Variants in PHF8 observed in about 807,000 individuals in gnomAD.
The protein encoded by PHF8 is histone lysine demethylase PHF8.
A neutral mutation model predicts 74.4 loss-of-function variants in PHF8; 9 were observed. That is an observed-to-expected ratio of 0.12 (90% CI 0.07 to 0.21). The LOEUF (loss-of-function observed/expected upper bound fraction) is 0.21, where lower values mean the gene tolerates loss of function less well. Among genes scored for constraint, PHF8 ranks in the 10% least tolerant of loss-of-function variants. The probability of loss-of-function intolerance (pLI) is 1.00; values close to 1 mark genes in which losing one functional copy is unlikely to be tolerated. For synonymous variants in PHF8, 311 were observed against 316.6 expected, an observed-to-expected ratio of 0.98 and a Z score of 0.19; for missense variants, 478 against 816.6, an observed-to-expected ratio of 0.59 and a Z score of 5.05.
intron 2 of PHF8, among the ~76,000 whole-genome samples, chrX:54,028,180 A>G (rs2066300024): frequency 9.0e-6 from 1 of 111,636 alleles, no homozygotes; most frequent in Non-Finnish European, 1.9e-5. Context: ...AACAGCAAGT[A>G]CAAAAGCCCT....
intron 13 of PHF8, among the ~76,000 whole-genome samples, chrX:53,993,177 A>G (rs1231518452): frequency 9.0e-6 from 1 of 111,393 alleles, no homozygotes; most frequent in Non-Finnish European, 1.9e-5. Context: ...ACAACCTGAC[A>G]CACGCAATGT....
chrX:53,953,889 A>G (rs1218667516), intron 19 of PHF8, among the ~76,000 whole-genome samples: 2 of 111,505 alleles, frequency 1.8e-5, no homozygotes, highest in African/African-American at 6.5e-5. Flanking sequence ...ATTTGAAGAC[A>G]CAGGTCGAAA....
chrX:54,039,423 A>T (rs1557115274), intron 2 of PHF8, among the ~76,000 whole-genome samples: 1 of 111,518 alleles, frequency 9.0e-6, no homozygotes, highest in Non-Finnish European at 1.9e-5. Flanking sequence ...AGCAAAAGAG[A>T]TTTTTAAAAT....
At chrX:54,005,953 T>C (rs1443981363) in intron 8 of PHF8, among the ~76,000 whole-genome samples, 2 of 111,997 alleles carry the variant, frequency 1.8e-5, no homozygotes, top group African/African-American at 6.5e-5. Context: ...GTGAATACCA[T>C]AGAATTTCCT....
At chrX:54,021,511 C>G (rs1363265534) in intron 4 of PHF8, among the ~76,000 whole-genome samples, 3 of 90,900 alleles carry the variant, frequency 3.3e-5, no homozygotes, top group Non-Finnish European at 6.3e-5. Context: ...CTCTGTCGCC[C>G]AGGCTGGAGT....
At chrX:54,025,530 G>A (rs1355166030) in intron 2 of PHF8, among the ~76,000 whole-genome samples, 1 of 111,130 alleles carries the variant, frequency 9.0e-6, no homozygotes, top group Non-Finnish European at 1.9e-5. Context: ...TGAAGAACCT[G>A]CTCAGATCTT....
chrX:54,025,406 A>C lies in PHF8; in HGVS notation c.99-2563T>G, dbSNP rs1398678401. Among the ~76,000 whole-genome samples the C allele has an allele frequency of 6.5e-5, 7 of 107,499 alleles. No homozygotes were observed. In the East Asian group the frequency reaches 2.1e-3, roughly 32 times the overall value. The allele number at this position is 107,499 out of a possible 115,157, so 93.3% of individuals were successfully genotyped here. Reference sequence around the variant, plus strand: ...GAGACTTCCAGATCATCTCTCCTCTACCCTTGTGTAAGAGCTCCCACTCCT... The same window carrying C: ...GAGACTTCCAGATCATCTCTCCTCTCCCCTTGTGTAAGAGCTCCCACTCCT... On this transcript the variant is annotated intron_variant, in intron 2 of 21. Transcript: ENST00000338154.
chrX:54,043,168 C>T, intron 1 of PHF8: 1 of 784,042 alleles, frequency 1.3e-6, no homozygotes, highest in Non-Finnish European at 1.5e-6. Context: ...CTAGCTGACC[C>T]CTGTTTCACA....
At chrX:54,018,246 A>G (rs925648665) in intron 4 of PHF8, among the ~76,000 whole-genome samples, 1 of 111,931 alleles carries the variant, frequency 8.9e-6, no homozygotes, top group Admixed American at 9.6e-5. Flanking sequence ...CTCAACGTGC[A>G]TACTTAATGA....
Position 53,985,086 on chromosome X carries a change from G to T in PHF8, c.2271C>A (p.Ser757Arg). The change falls in exon 18 of 22, where the codon AGC (serine) becomes AGA (arginine). Residue 757 changes from serine to arginine, a missense_variant. Ser to Arg is a moderately radical substitution (Grantham distance 110, BLOSUM62 -1). This residue lies in a region of PHF8 where 51 missense variants were observed against 45.8 expected (regional missense o/e 1.11). Coordinates refer to ENST00000338154, the MANE Select transcript of PHF8 (RefSeq NM_015107.3). ...WTGGQDRSSG[S>R]SSSGLGTVSN... ...ACACTGTGCCCAGCCCACTGCTGGA[G>T]CTCCCACTGCTTCGATCCTGTCCCC... 8.3e-7 allele frequency: 1 copy of T among 1,210,955 alleles called. No homozygotes were observed. The highest frequency in any genetic ancestry group is 1.1e-6 in the Non-Finnish European group (1 of 895,009).
intron 6 of PHF8, among the ~76,000 whole-genome samples, chrX:54,015,289 C>A (rs1275303026): frequency 9.0e-6 from 1 of 111,155 alleles, no homozygotes; most frequent in African/African-American, 3.3e-5. Context: ...ATCTTAAAAA[C>A]AACAGCGCCG....
chrX:54,046,319 T>C (rs1382470390), upstream of PHF8, among the ~76,000 whole-genome samples: 2 of 110,670 alleles, frequency 1.8e-5, no homozygotes, highest in Non-Finnish European at 3.8e-5. Context: ...GCGCGGTGGC[T>C]CATGTCTGTA....
At chrX:54,008,406 C>T (rs1178971749) in intron 8 of PHF8, among the ~76,000 whole-genome samples, 1 of 103,969 alleles carries the variant, frequency 9.6e-6, no homozygotes, top group Non-Finnish European at 2.0e-5. Context: ...ATGCACTCGC[C>T]AGGGAGCAGG....
In PHF8 at chrX:54,027,984, C is replaced by CCACA. The variant is rs782177087; in HGVS notation, c.99-5145_99-5142dup. On this transcript the variant is annotated intron_variant, in intron 2 of 21. Coordinates refer to ENST00000338154, the MANE Select transcript of PHF8 (RefSeq NM_015107.3). ...ATGTGTGAATATATAACTATACACA[C>CCACA]CACACACACACACACACACACACAC... Among the ~76,000 whole-genome samples the CCACA allele has an allele frequency of 6.8e-3, 653 of 96,482 alleles. 3 individuals are homozygous for CCACA. The highest frequency in any genetic ancestry group is 0.034 in the South Asian group (68 of 2,009). 83.8% of individuals were successfully genotyped at this position (96,482 alleles called of 115,157 possible). A position where few individuals can be genotyped will look rare whatever the true frequency, so the allele number is the denominator to read the frequency against.
chrX:54,034,144 C>G (rs781950097), intron 2 of PHF8, among the ~76,000 whole-genome samples: 2 of 111,117 alleles, frequency 1.8e-5, no homozygotes, highest in Non-Finnish European at 3.8e-5. Context: ...ATCTGAACAA[C>G]AGAAAGAAAA....
intron 19 of PHF8, among the ~76,000 whole-genome samples, chrX:53,958,391 C>T (rs782226931): frequency 7.3e-4 from 78 of 106,650 alleles, no homozygotes; most frequent in Non-Finnish European, 3.5e-4. Flanking sequence ...GTATAAAATA[C>T]GTTTCCAACT....
intron 8 of PHF8, among the ~76,000 whole-genome samples, chrX:54,006,939 C>CA (rs1219211822): frequency 0.013 from 360 of 27,555 alleles, 3 homozygotes; most frequent in Middle Eastern, 0.13. Context: ...AACTTCATCT[C>CA]AAAAAAAAAA....
intron 6 of PHF8, among the ~76,000 whole-genome samples, chrX:54,016,364 G>T (rs1276250644): frequency 1.8e-5 from 2 of 109,740 alleles, no homozygotes; most frequent in African/African-American, 6.7e-5. Flanking sequence ...CATGGTGGCG[G>T]GCGCCTGTAA....
chrX:54,033,105 C>T (rs2066389770), intron 2 of PHF8, among the ~76,000 whole-genome samples: 1 of 111,203 alleles, frequency 9.0e-6, no homozygotes, highest in Non-Finnish European at 1.9e-5. Flanking sequence ...ACCTGTACTT[C>T]CACCCCCACC....
Sources: allele counts gnomAD v4.1 joint callset (sites outside exome capture counted in the v4.1 genomes callset), GRCh38; gene constraint gnomAD v4.1.1; regional missense constraint gnomAD v4.1.1; transcripts MANE v1.5; gene names NCBI Gene and HGNC (gene_info 2026-07-23, HGNC 2026-07-21).